Variants in OR2M2 observed in about 807,000 individuals in gnomAD.
OR2M2 encodes the protein olfactory receptor family 2 subfamily M member 2.
For missense variants in OR2M2, 467 were observed against 429.9 expected (o/e 1.09, Z -0.76); for synonymous variants, 168 against 151.7 (o/e 1.11, Z -0.79).
At chr1:248,176,237 G>C (rs1016245001) in intron 1 of OR2M2, among the ~76,000 whole-genome samples, 1 of 151,802 alleles carries the variant, frequency 6.6e-6, no homozygotes, top group Non-Finnish European at 1.5e-5. Flanking sequence ...CTCAATTTCC[G>C]ACCATGATTT....
chr1:248,179,923 T>C (rs1665904767), intron 1 of OR2M2, 45 bp from the exon 2 acceptor site: 1 of 1,529,128 alleles, frequency 6.5e-7, no homozygotes, highest in African/African-American at 1.4e-5. Flanking sequence ...TATAAGACAC[T>C]GGGTAAATGT....
chr1:248,178,307 C>A (rs1225485121), intron 1 of OR2M2, among the ~76,000 whole-genome samples: 1 of 152,092 alleles, frequency 6.6e-6, no homozygotes, highest in East Asian at 1.9e-4. Flanking sequence ...ACATTTCTGT[C>A]TAATGAACCT....
rs748526744 is a variant in OR2M2 at position 248,180,823 on chromosome 1, A to G, written c.838A>G (p.Ile280Val). 3.1e-6 allele frequency: 5 copies of G among 1,613,986 alleles called. No homozygotes were observed. The Admixed American group carries it at 6.7e-5, about 22-fold the overall frequency. ...QDKMVSVFYT[I>V]LTPMLNPLIY... Reference sequence around the variant, plus strand: ...CAAGATGGTGTCTGTATTCTACACCATCCTCACTCCCATGCTGAATCCCCT... The same window carrying G: ...CAAGATGGTGTCTGTATTCTACACCGTCCTCACTCCCATGCTGAATCCCCT... Residue 280 changes from isoleucine (I) to valine (V), a missense_variant, in exon 2 of 2, where the codon ATC (isoleucine) becomes GTC (valine). Physicochemically the swap from Ile to Val is conservative, Grantham distance 29. Transcript: ENST00000641836.
chr1:248,176,910 C>T (rs1665862938), intron 1 of OR2M2, among the ~76,000 whole-genome samples: 1 of 152,008 alleles, frequency 6.6e-6, no homozygotes, highest in Admixed American at 6.6e-5. Context: ...TGAGAAACAA[C>T]ATTATTTTTC....
chr1:248,179,051 T>C (rs904077734), intron 1 of OR2M2, among the ~76,000 whole-genome samples: 1 of 152,176 alleles, frequency 6.6e-6, no homozygotes, highest in Non-Finnish European at 1.5e-5. Context: ...GTCAGCAGTG[T>C]TGGTTATTTC....
At chr1:248,175,737 T>A (rs894154051) in intron 1 of OR2M2, among the ~76,000 whole-genome samples, 5 of 152,174 alleles carry the variant, frequency 3.3e-5, no homozygotes, top group Non-Finnish European at 7.4e-5. Flanking sequence ...TTTAAAATAT[T>A]TACCAGTGCT....
chr1:248,179,220 G>C (rs1053711288), intron 1 of OR2M2, among the ~76,000 whole-genome samples: 5 of 152,108 alleles, frequency 3.3e-5, no homozygotes, highest in Non-Finnish European at 7.4e-5. Flanking sequence ...CATGGCCACT[G>C]TCTTATCAGA....
chr1:248,180,808 T>C lies in OR2M2; in HGVS notation c.823T>C (p.Ser275Pro). 1 of 1,613,978 alleles carries C rather than the reference T, an allele frequency of 6.2e-7. No individual in the cohort carries two copies. The highest frequency in any genetic ancestry group is 8.5e-7 in the Non-Finnish European group (1 of 1,179,924). Residue 275 changes from serine (S) to proline (P), a missense_variant, in exon 2 of 2, where the codon TCT becomes CCT. Coordinates refer to ENST00000641836, the MANE Select transcript of OR2M2 (RefSeq NM_001004688.2). ...DHSPTQDKMV[S>P]VFYTILTPML... is the part of the protein sequence containing the mutation. ...CTCCCCAACGCAGGACAAGATGGTGTCTGTATTCTACACCATCCTCACTCC... is the reference window on the plus strand; with the variant it reads ...CTCCCCAACGCAGGACAAGATGGTGCCTGTATTCTACACCATCCTCACTCC...
At chr1:248,177,536 A>G (rs1010800309) in intron 1 of OR2M2, among the ~76,000 whole-genome samples, 6 of 152,268 alleles carry the variant, frequency 3.9e-5, no homozygotes, top group Non-Finnish European at 5.9e-5. Context: ...CAAGATCAAG[A>G]TAACTGGGAA....
intron 1 of OR2M2, among the ~76,000 whole-genome samples, chr1:248,178,706 T>G (rs2103006574): frequency 6.6e-6 from 1 of 152,312 alleles, no homozygotes; most frequent in East Asian, 1.9e-4. Context: ...TTTGACTTAC[T>G]TTTCTCCAAA....
chr1:248,178,055 GA>G (rs1475538374), intron 1 of OR2M2: 1 of 152,018 alleles, frequency 6.6e-6, no homozygotes, highest in Non-Finnish European at 1.5e-5. Context: ...CTGCTTTTGA[GA>G]GGTTTTTTCT....
In OR2M2 at chr1:248,180,651, T is replaced by C. The variant is rs1268391572; in HGVS notation, c.666T>C (p.Ile222=). The change falls in exon 2 of 2, where the codon ATT becomes ATC. Residue 222 remains isoleucine (I), a synonymous_variant. Coordinates refer to ENST00000641836, the MANE Select transcript of OR2M2 (RefSeq NM_001004688.2). ...TCATTGCTTCCTATGCTCGAGTTAT[T>C]CTGGCTGTCATTCACATGGGATCTG... ...AIIIASYARV[I]LAVIHMGSGE... is the part of the protein sequence containing the mutation. 1.7e-5 allele frequency: 27 copies of C among 1,612,262 alleles called. No homozygotes were observed. The highest frequency in any genetic ancestry group is 2.2e-5 in the Non-Finnish European group (26 of 1,179,856).
intron 1 of OR2M2, chr1:248,177,841 T>A (rs1665872462): frequency 1.3e-5 from 2 of 152,102 alleles, no homozygotes; most frequent in African/African-American, 4.8e-5. Flanking sequence ...ATAACCATTT[T>A]TTAAAAACCG....
intron 1 of OR2M2, 60 bp from the exon 2 acceptor site, chr1:248,179,908 C>A: frequency 6.7e-7 from 1 of 1,483,038 alleles, no homozygotes; most frequent in South Asian, 1.3e-5. Context: ...CAAAATCACA[C>A]GATTTATAAG....
chr1:248,175,523 C>A, intron 1 of OR2M2, among the ~76,000 whole-genome samples: 1 of 152,006 alleles, frequency 6.6e-6, no homozygotes, highest in Non-Finnish European at 1.5e-5. Flanking sequence ...GCAGATATTC[C>A]AAAGTCTGAA....
chr1:248,177,460 A>T (rs2103006144), intron 1 of OR2M2, among the ~76,000 whole-genome samples: 1 of 152,210 alleles, frequency 6.6e-6, no homozygotes, highest in Non-Finnish European at 1.5e-5. Context: ...ACCTAAGGAA[A>T]AATTATGGTG....
At position 248,180,275 on chromosome 1, in the gene OR2M2, G is replaced by C. The variant is rs753285621; in HGVS notation, c.290G>C (p.Cys97Ser). The change falls in exon 2 of 2, where the codon TGT becomes TCT. Residue 97 changes from cysteine to serine, a missense_variant. By Grantham distance (112) the Cys-to-Ser change is moderately radical. Coordinates refer to ENST00000641836, the MANE Select transcript of OR2M2 (RefSeq NM_001004688.2). ...SGSKSISMAG[C>S]VTQIFFYISL... ...AGCAAGTCCATTTCTATGGCTGGTT[G>C]TGTCACACAAATTTTCTTCTATATA... The C allele has an allele frequency of 6.2e-7, 1 of 1,614,144 alleles. No individual in the cohort carries two copies. The highest frequency in any genetic ancestry group is 2.2e-5 in the East Asian group (1 of 44,882).
intron 1 of OR2M2, among the ~76,000 whole-genome samples, chr1:248,177,100 A>G (rs1037760982): frequency 3.9e-5 from 6 of 152,092 alleles, no homozygotes; most frequent in African/African-American, 1.4e-4. Context: ...GTAACTGGAT[A>G]TGAAGGGAAA....
intron 1 of OR2M2, 81 bp downstream of exon 1, chr1:248,174,952 T>C (rs1665843073): frequency 6.6e-6 from 1 of 152,194 alleles, no homozygotes. Flanking sequence ...TTGATTTCAT[T>C]TCTTAAGTCA....
Sources: gnomAD v4.1 joint callset for allele counts (sites outside exome capture counted in the v4.1 genomes callset) on GRCh38, gnomAD v4.1.1 for gene constraint, MANE v1.5 for transcripts, NCBI Gene and HGNC (gene_info 2026-07-23, HGNC 2026-07-21) for gene names.